The following CA13 variants were observed in gnomAD, a reference collection of about 807,000 sequenced individuals.
CA13 encodes carbonic anhydrase 13.
CA13 carries 21 observed loss-of-function variants against 31.5 expected under a neutral mutation model. That is an observed-to-expected ratio of 0.67 (90% CI 0.47 to 0.96). The LOEUF is 0.96. Ranked by LOEUF, CA13 falls within the 40% of genes least tolerant of loss-of-function variation. The probability of loss-of-function intolerance (pLI) is 0.00; values close to 1 mark genes in which losing one functional copy is unlikely to be tolerated. For synonymous variants in CA13, 117 were observed against 111.4 expected (o/e 1.05, Z -0.32); for missense variants, 315 against 318.9 (o/e 0.99, Z 0.09).
Position 85,259,493 on chromosome 8 carries a change from A to C in CA13, c.308A>C (p.Asp103Ala). The C allele has an allele frequency of 1.2e-6, 2 of 1,614,046 alleles. No homozygotes were observed. Among genetic ancestry groups the C allele is most frequent in the Non-Finnish European group, 1.7e-6 (2 of 1,179,908 alleles). ...QVHLHWGSAD[D>A]HGSEHIVDGV... Reference sequence around the variant, plus strand: ...CACCTTCACTGGGGGTCCGCTGATGACCACGGCTCCGAGCACATAGTAGAT... The same window carrying C: ...CACCTTCACTGGGGGTCCGCTGATGCCCACGGCTCCGAGCACATAGTAGAT... The change falls in exon 3 of 7, where the codon GAC (aspartate) becomes GCC (alanine). Residue 103 changes from aspartate to alanine, a missense_variant. Physicochemically the swap from Asp to Ala is moderately radical, Grantham distance 126 (BLOSUM62 -2). Transcript: ENST00000321764.
intron 6 of CA13, among the ~76,000 whole-genome samples, chr8:85,279,844 T>C (rs980386125): frequency 6.6e-6 from 1 of 152,188 alleles, no homozygotes; most frequent in African/African-American, 2.4e-5. Flanking sequence ...TTAGATTTTA[T>C]TAGTCTCTGC....
chr8:85,269,879 T>G (rs932304687), intron 6 of CA13, among the ~76,000 whole-genome samples: 24 of 152,302 alleles, frequency 1.6e-4, no homozygotes, highest in African/African-American at 5.5e-4. Flanking sequence ...TGGCTTATTT[T>G]TTTTTTGAAA....
At chr8:85,262,985 G>A (rs1326848196) in intron 3 of CA13, among the ~76,000 whole-genome samples, 1 of 152,132 alleles carries the variant, frequency 6.6e-6, no homozygotes, top group Non-Finnish European at 1.5e-5. Context: ...TCTTTGATGG[G>A]AACAATACCA....
chr8:85,265,754 T>C (rs958422157), intron 3 of CA13, among the ~76,000 whole-genome samples: 7 of 152,250 alleles, frequency 4.6e-5, no homozygotes, highest in Admixed American at 4.6e-4. Flanking sequence ...CATTTATACA[T>C]ATATTAAAAC....
chr8:85,253,293 C>T (rs1471513498), intron 2 of CA13, among the ~76,000 whole-genome samples: 8 of 150,046 alleles, frequency 5.3e-5, no homozygotes, highest in Non-Finnish European at 1.0e-4. Flanking sequence ...GAGACAAGGT[C>T]TCGCTCCATT....
At chr8:85,274,558 G>A (rs548429657) in intron 6 of CA13, among the ~76,000 whole-genome samples, 6 of 152,320 alleles carry the variant, frequency 3.9e-5, no homozygotes, top group African/African-American at 1.4e-4. Context: ...TCTATGTTAA[G>A]ACAGCAATTA....
rs545642932 is a variant in CA13 at position 85,282,998 on chromosome 8, C to A, written c.*1649C>A. Reference sequence around the variant, plus strand: ...GGAGTACAGTGGCACGATCTTGGCTCACTGCAACCTCCATCTCCCGGGTTC... The same window carrying A: ...GGAGTACAGTGGCACGATCTTGGCTAACTGCAACCTCCATCTCCCGGGTTC... On this transcript the variant is annotated 3_prime_UTR_variant, in exon 7 of 7. Transcript: ENST00000321764. 6.6e-6 allele frequency: 1 copy of A among 152,042 alleles called. No homozygotes were observed. Among genetic ancestry groups the A allele is most frequent in the African/African-American group, 2.4e-5 (1 of 41,458 alleles). The allele number at this position is 152,042 out of a possible 1,614,324, so 9.4% of individuals were successfully genotyped here. A position where few individuals can be genotyped will look rare whatever the true frequency, so the allele number is the denominator to read the frequency against.
chr8:85,247,993 C>T lies in CA13; in HGVS notation c.37+2128C>T, dbSNP rs16913694. 8.7e-4 allele frequency among the ~76,000 whole-genome samples: 133 copies of T among 152,084 alleles called. 1 individual carries two copies. The East Asian group carries it at 0.022, about 25-fold the overall frequency. ...ACACTGATAAAATAAAACATCAAGACTTGAAGCCCTGAAAGGGTACTGCCT... is the reference window on the plus strand; with the variant it reads ...ACACTGATAAAATAAAACATCAAGATTTGAAGCCCTGAAAGGGTACTGCCT... On this transcript the variant is annotated intron_variant, in intron 1 of 6. Transcript: ENST00000321764.
intron 5 of CA13, among the ~76,000 whole-genome samples, chr8:85,268,202 T>C (rs146135638): frequency 2.3e-3 from 349 of 152,318 alleles, no homozygotes; most frequent in African/African-American, 8.1e-3. Flanking sequence ...TATTACAGAG[T>C]AAGCCTTTAA....
rs1352476234 is a variant in CA13, at chr8:85,281,393, CAACAA to C, written c.*56_*60del. 4.4e-6 allele frequency: 7 copies of C among 1,596,694 alleles called. No homozygotes were observed. The highest frequency in any genetic ancestry group is 1.1e-5 in the South Asian group (1 of 89,656). On this transcript the variant is annotated 3_prime_UTR_variant, in exon 7 of 7. Transcript: ENST00000321764. ...TCCCCCAAACATGGCTGTGGAGAGA[CAACAA>C]AACAAAACAAAGCACAAAAGTCTCT... is the stretch of plus-strand genomic sequence containing the variant.
At chr8:85,281,168 G>T (rs1807698517) in intron 6 of CA13, 62 bp from the exon 7 acceptor site, 2 of 1,579,808 alleles carry the variant, frequency 1.3e-6, no homozygotes, top group South Asian at 2.3e-5. Flanking sequence ...CTTTATGCAG[G>T]GTAATTCATT....
At chr8:85,265,005 T>G (rs535185583) in intron 3 of CA13, among the ~76,000 whole-genome samples, 1 of 152,358 alleles carries the variant, frequency 6.6e-6, no homozygotes, top group South Asian at 2.1e-4. Flanking sequence ...ATGATAATTG[T>G]TATCTATCCA....
At chr8:85,269,149 T>A (rs1400615407) in intron 6 of CA13, among the ~76,000 whole-genome samples, 1 of 152,184 alleles carries the variant, frequency 6.6e-6, no homozygotes, top group African/African-American at 2.4e-5. Flanking sequence ...TTTGTACACT[T>A]AAAAGGTAGT....
At chr8:85,269,907 G>A (rs1224899021) in intron 6 of CA13, among the ~76,000 whole-genome samples, 1 of 152,102 alleles carries the variant, frequency 6.6e-6, no homozygotes, top group African/African-American at 2.4e-5. Context: ...TGTAGACAGG[G>A]TCTTGCATTA....
intron 2 of CA13, 78 bp from the exon 3 acceptor site, chr8:85,259,343 T>G: frequency 8.8e-7 from 1 of 1,132,120 alleles, no homozygotes; most frequent in Non-Finnish European, 1.3e-6. Flanking sequence ...ATGGAGTAAT[T>G]CAGGGAGATG....
chr8:85,249,639 A>ATGC (rs1275992698), intron 1 of CA13, among the ~76,000 whole-genome samples: 1 of 152,162 alleles, frequency 6.6e-6, no homozygotes, highest in African/African-American at 2.4e-5. Context: ...ATTAATTGTC[A>ATGC]TGCTATGATG....
At chr8:85,251,744 T>C (rs1298986475) in intron 2 of CA13, among the ~76,000 whole-genome samples, 1 of 152,192 alleles carries the variant, frequency 6.6e-6, no homozygotes, top group African/African-American at 2.4e-5. Context: ...ATAACAAATA[T>C]TAATGTCTCT....
chr8:85,277,228 C>A (rs1336047013), intron 6 of CA13, among the ~76,000 whole-genome samples: 1 of 152,142 alleles, frequency 6.6e-6, no homozygotes, highest in Non-Finnish European at 1.5e-5. Flanking sequence ...CTCTTTGGGT[C>A]CACACTGCGT....
At chr8:85,278,541 A>G (rs1210639524) in intron 6 of CA13, among the ~76,000 whole-genome samples, 1 of 152,136 alleles carries the variant, frequency 6.6e-6, no homozygotes, top group Non-Finnish European at 1.5e-5. Flanking sequence ...AAAATGTTAG[A>G]AATGTGATGT....
Sources: allele counts gnomAD v4.1 joint callset (sites outside exome capture counted in the v4.1 genomes callset), GRCh38; gene constraint gnomAD v4.1.1; transcripts MANE v1.5; gene names NCBI Gene and HGNC (gene_info 2026-07-23, HGNC 2026-07-21).